The following FGF12 variants were observed in gnomAD, a reference collection of about 807,000 sequenced individuals.
FGF12 encodes the protein fibroblast growth factor 12, also known as fibroblast growth factor 12B.
Under a neutral mutation model 23.6 loss-of-function variants are expected in FGF12, and 14 were observed. The ratio of observed to expected loss-of-function variants is 0.59; its 90% CI spans 0.39 to 0.93. The LOEUF (loss-of-function observed/expected upper bound fraction) is 0.93, where lower values mean the gene tolerates loss of function less well. FGF12 is among the 40% of genes least tolerant of loss of function. FGF12 has a pLI of 0.00. For missense variants in FGF12, 175 were observed against 217.8 expected (o/e 0.80, Z 1.24); for synonymous variants, 62 against 77.3 (o/e 0.80, Z 1.04).
chr3:192,222,483 A>G (rs1401298950), intron 4 of FGF12, among the ~76,000 whole-genome samples: 1 of 152,162 alleles, frequency 6.6e-6, no homozygotes, highest in East Asian at 1.9e-4. Flanking sequence ...GGAAACTCAA[A>G]AGGAAAGAAT....
chr3:192,400,605 G>A (rs1481681884), intron 2 of FGF12, among the ~76,000 whole-genome samples: 3 of 152,006 alleles, frequency 2.0e-5, no homozygotes, highest in Non-Finnish European at 4.4e-5. Context: ...CTGACGTTGT[G>A]ATCCACCTGC....
intron 2 of FGF12, among the ~76,000 whole-genome samples, chr3:192,633,151 T>C (rs1214640256): frequency 6.6e-6 from 1 of 152,140 alleles, no homozygotes; most frequent in African/African-American, 2.4e-5. Context: ...GTTCAAGCAG[T>C]TCTCTTGCCT....
At chr3:192,470,756 C>T (rs1168760650) in intron 2 of FGF12, among the ~76,000 whole-genome samples, 1 of 152,150 alleles carries the variant, frequency 6.6e-6, no homozygotes, top group Non-Finnish European at 1.5e-5. Flanking sequence ...ATTCCTTGGG[C>T]TTTTTCTCCC....
intron 2 of FGF12, among the ~76,000 whole-genome samples, chr3:192,672,363 A>T (rs1717155579): frequency 6.6e-6 from 1 of 150,854 alleles, no homozygotes; most frequent in Non-Finnish European, 1.5e-5. Context: ...CTTTTTTTTT[A>T]AAGTCTGGTA....
At chr3:192,644,790 T>G (rs555194556) in intron 2 of FGF12, among the ~76,000 whole-genome samples, 2 of 152,278 alleles carry the variant, frequency 1.3e-5, no homozygotes, top group African/African-American at 4.8e-5. Context: ...CAAGGGCTCA[T>G]GTCTAGTGTT....
intron 2 of FGF12, among the ~76,000 whole-genome samples, chr3:192,697,179 T>C (rs1315002571): frequency 6.6e-6 from 1 of 152,070 alleles, no homozygotes; most frequent in East Asian, 1.9e-4. Flanking sequence ...AGCAATGCAA[T>C]GATTCCCCAA....
chr3:192,647,524 A>G (rs1716048123), intron 2 of FGF12, among the ~76,000 whole-genome samples: 1 of 151,970 alleles, frequency 6.6e-6, no homozygotes, highest in Admixed American at 6.6e-5. Context: ...AATGGCAAGT[A>G]TTCAGGAAGT....
chr3:192,526,520 G>A (rs761576931), intron 2 of FGF12, among the ~76,000 whole-genome samples: 1 of 151,854 alleles, frequency 6.6e-6, no homozygotes, highest in Non-Finnish European at 1.5e-5. Context: ...TTTATATACA[G>A]TTCCTCACCT....
chr3:192,163,721 G>A (rs576341253), intron 5 of FGF12, among the ~76,000 whole-genome samples: 17 of 152,102 alleles, frequency 1.1e-4, no homozygotes, highest in Non-Finnish European at 2.1e-4. Context: ...CTGATGTTTG[G>A]GAAATGACAG....
chr3:192,564,087 A>G (rs561210751), intron 2 of FGF12, among the ~76,000 whole-genome samples: 1 of 151,208 alleles, frequency 6.6e-6, no homozygotes, highest in South Asian at 2.1e-4. Flanking sequence ...TTTTTGAGAC[A>G]CAGTCTCCCT....
chr3:192,242,442 G>A (rs1383552882), intron 4 of FGF12, among the ~76,000 whole-genome samples: 1 of 151,992 alleles, frequency 6.6e-6, no homozygotes, highest in Non-Finnish European at 1.5e-5. Flanking sequence ...TGTTCCAATT[G>A]AGAACCAAAT....
chr3:192,576,150 C>T (rs935932696), intron 2 of FGF12, among the ~76,000 whole-genome samples: 7 of 151,914 alleles, frequency 4.6e-5, no homozygotes, highest in East Asian at 1.9e-4. Context: ...TTATGCAGCC[C>T]TTTTTTTTCT....
At chr3:192,607,838 C>A (rs1294278134) in intron 2 of FGF12, among the ~76,000 whole-genome samples, 3 of 109,452 alleles carry the variant, frequency 2.7e-5, no homozygotes, top group East Asian at 3.1e-4. Flanking sequence ...CCAGAGAACA[C>A]TGAAAATTAA....
intron 2 of FGF12, among the ~76,000 whole-genome samples, chr3:192,586,727 G>A (rs1210249909): frequency 6.6e-6 from 1 of 152,146 alleles, no homozygotes; most frequent in Non-Finnish European, 1.5e-5. Flanking sequence ...TTTTTGTAGA[G>A]AGGCTTTAGT....
chr3:192,530,462 T>C (rs572274276), intron 2 of FGF12, among the ~76,000 whole-genome samples: 29 of 152,348 alleles, frequency 1.9e-4, no homozygotes, highest in African/African-American at 6.7e-4. Context: ...ACTCTACCAG[T>C]AATAATCCTT....
At chr3:192,700,241 T>C (rs1237539054) in intron 2 of FGF12, among the ~76,000 whole-genome samples, 1 of 152,152 alleles carries the variant, frequency 6.6e-6, no homozygotes, top group African/African-American at 2.4e-5. Context: ...GACACAATGC[T>C]TTAACAATAT....
intron 2 of FGF12, among the ~76,000 whole-genome samples, chr3:192,444,703 G>A (rs566084295): frequency 6.8e-4 from 103 of 152,216 alleles, no homozygotes; most frequent in Non-Finnish European, 1.3e-3. Flanking sequence ...GCGCCACCTC[G>A]TGGACATGAG....
chr3:192,307,208 CA>C (rs1715691602), intron 4 of FGF12, among the ~76,000 whole-genome samples: 1 of 152,104 alleles, frequency 6.6e-6, no homozygotes. Context: ...ACAATGGAGA[CA>C]GAGACAGAAA....
intron 4 of FGF12, among the ~76,000 whole-genome samples, chr3:192,219,440 A>G (rs933140588): frequency 6.6e-6 from 1 of 152,164 alleles, no homozygotes; most frequent in Non-Finnish European, 1.5e-5. Context: ...CTGGCTGCCT[A>G]GTGGGATCAC....
Sources: gnomAD v4.1 joint callset for allele counts (sites outside exome capture counted in the v4.1 genomes callset) on GRCh38, gnomAD v4.1.1 for gene constraint, MANE v1.5 for transcripts, NCBI Gene and HGNC (gene_info 2026-07-23, HGNC 2026-07-21) for gene names.